The following CALN1 variants were observed in gnomAD, a reference collection of about 807,000 sequenced individuals.
CALN1 encodes calneuron 1, also known as calcium-binding protein 8.
CALN1 carries 17 observed loss-of-function variants against 30.6 expected under a neutral mutation model. The ratio of observed to expected loss-of-function variants is 0.56; its 90% CI spans 0.38 to 0.83. The LOEUF is 0.83. CALN1 is among the 40% of genes least tolerant of loss of function. The pLI, the probability that CALN1 is intolerant of heterozygous loss-of-function variation, is 0.00. For missense variants in CALN1, 291 were observed against 354.9 expected (o/e 0.82, Z 1.45); for synonymous variants, 156 against 131.4 (o/e 1.19, Z -1.28).
intron 3 of CALN1, among the ~76,000 whole-genome samples, chr7:72,249,867 G>A (rs539056817): frequency 1.3e-5 from 2 of 151,502 alleles, no homozygotes; most frequent in African/African-American, 4.8e-5. Flanking sequence ...AACCCAGGAG[G>A]TGGAGGTTGC....
intron 6 of CALN1, among the ~76,000 whole-genome samples, chr7:71,788,362 G>A: frequency 6.6e-6 from 1 of 151,984 alleles, no homozygotes; most frequent in East Asian, 1.9e-4. Context: ...TACCTTTCCT[G>A]GACGTTTTCT....
At chr7:72,113,212 T>C (rs1034893909) in intron 3 of CALN1, among the ~76,000 whole-genome samples, 1 of 152,174 alleles carries the variant, frequency 6.6e-6, no homozygotes, top group African/African-American at 2.4e-5. Context: ...ATACTCTCTC[T>C]GGGAGGAGGA....
intron 5 of CALN1, among the ~76,000 whole-genome samples, chr7:71,930,413 G>C (rs1795489331): frequency 6.6e-6 from 1 of 151,610 alleles, no homozygotes. Flanking sequence ...CATCCTTTCT[G>C]TATGTTGTCT....
At chr7:71,808,245 A>T (rs1467587446) in intron 6 of CALN1, among the ~76,000 whole-genome samples, 7 of 150,272 alleles carry the variant, frequency 4.7e-5, no homozygotes, top group Non-Finnish European at 1.0e-4. Flanking sequence ...ATTAATGTTA[A>T]GCCACTTAGT....
At chr7:72,487,600 C>G in the CALN1 span, among the ~76,000 whole-genome samples, 1 of 150,502 alleles carries the variant, frequency 6.6e-6, no homozygotes. Context: ...GCAGAAGAAT[C>G]GGGTGAACCC....
chr7:72,458,228 ATATATTCTATAT>A, the CALN1 span, among the ~76,000 whole-genome samples: 3 of 84,744 alleles, frequency 3.5e-5, no homozygotes, highest in Non-Finnish European at 6.8e-5. Flanking sequence ...ATATTATATA[ATATATTCTATAT>A]TATATAATAT....
chr7:72,112,255 C>G (rs1807633459), intron 3 of CALN1, among the ~76,000 whole-genome samples: 1 of 152,138 alleles, frequency 6.6e-6, no homozygotes, highest in Non-Finnish European at 1.5e-5. Flanking sequence ...GGCTGATGTT[C>G]TAGCTTTGAA....
At chr7:72,291,941 T>C (rs919700021) in intron 2 of CALN1, among the ~76,000 whole-genome samples, 7 of 151,192 alleles carry the variant, frequency 4.6e-5, no homozygotes, top group Non-Finnish European at 1.0e-4. Flanking sequence ...GCCAATGTGA[T>C]GGTATTAGCA....
intron 5 of CALN1, among the ~76,000 whole-genome samples, chr7:71,847,719 GAAGAAGAAAGAAGA>G (rs372867532): frequency 4.1e-5 from 5 of 120,546 alleles, no homozygotes; most frequent in African/African-American, 1.7e-4. Flanking sequence ...AAAGAAGAAA[GAAGAAGAAAGAAGA>G]AAGAAGAAAG....
At chr7:72,286,713 G>T (rs1424261037) in intron 2 of CALN1, among the ~76,000 whole-genome samples, 1 of 152,188 alleles carries the variant, frequency 6.6e-6, no homozygotes, top group Admixed American at 6.5e-5. Flanking sequence ...ACTTGGTTTG[G>T]ACAGATCTCA....
chr7:72,323,543 A>C (rs987415513), intron 2 of CALN1, among the ~76,000 whole-genome samples: 1 of 151,940 alleles, frequency 6.6e-6, no homozygotes, highest in East Asian at 1.9e-4. Context: ...TGCACCTGTA[A>C]TCCCAGCTAC....
At chr7:72,340,106 T>A (rs1041255844) in intron 2 of CALN1, among the ~76,000 whole-genome samples, 2 of 152,204 alleles carry the variant, frequency 1.3e-5, no homozygotes, top group Non-Finnish European at 2.9e-5. Context: ...TGGTTCTTGT[T>A]CTAAATTTCT....
At chr7:72,398,486 A>G (rs1255443607) in intron 2 of CALN1, among the ~76,000 whole-genome samples, 3 of 152,202 alleles carry the variant, frequency 2.0e-5, no homozygotes, top group Non-Finnish European at 4.4e-5. Flanking sequence ...GTGCACATCC[A>G]CTTCTCCCCA....
chr7:72,040,224 C>CATCACTTTCAGAGGCTGAGGCAGGAGG (rs1802041697), intron 4 of CALN1, among the ~76,000 whole-genome samples: 1 of 152,030 alleles, frequency 6.6e-6, no homozygotes, highest in Non-Finnish European at 1.5e-5. Context: ...CTTGTAATCT[C>CATCACTTTCAGAGGCTGAGGCAGGAGG]ATCACTTTCA....
intron 4 of CALN1, among the ~76,000 whole-genome samples, chr7:72,074,249 T>C (rs1285512233): frequency 2.6e-5 from 4 of 152,120 alleles, no homozygotes. Flanking sequence ...AAGAAAAATA[T>C]CATATTGGAC....
chr7:72,012,064 G>A (rs1209463557), intron 5 of CALN1, among the ~76,000 whole-genome samples: 1 of 152,122 alleles, frequency 6.6e-6, no homozygotes, highest in Non-Finnish European at 1.5e-5. Flanking sequence ...AATTTGGGAA[G>A]GTTCTATGGA....
intron 3 of CALN1, among the ~76,000 whole-genome samples, chr7:72,129,959 ATCCT>A (rs1198747596): frequency 1.3e-5 from 2 of 152,156 alleles, no homozygotes; most frequent in African/African-American, 2.4e-5. Flanking sequence ...ACGAGGGCAG[ATCCT>A]TCATGAATAG....
intron 5 of CALN1, among the ~76,000 whole-genome samples, chr7:71,925,015 C>T (rs1584524335): frequency 6.6e-6 from 1 of 152,244 alleles, no homozygotes; most frequent in East Asian, 1.9e-4. Context: ...CCGAGGTGGG[C>T]AGACTACTTG....
intron 5 of CALN1, among the ~76,000 whole-genome samples, chr7:71,918,055 T>C (rs1159147081): frequency 2.0e-5 from 3 of 152,194 alleles, no homozygotes; most frequent in Non-Finnish European, 4.4e-5. Flanking sequence ...TCCTCATCTA[T>C]AAAATTTGGA....
Sources: gnomAD v4.1 joint callset for allele counts (sites outside exome capture counted in the v4.1 genomes callset) on GRCh38, gnomAD v4.1.1 for gene constraint, MANE v1.5 for transcripts, NCBI Gene and HGNC (gene_info 2026-07-23, HGNC 2026-07-21) for gene names.